NLGN1: variants seen among roughly 807,000 people sequenced by gnomAD.
The protein encoded by NLGN1 is neuroligin-1.
A neutral mutation model predicts 65.5 loss-of-function variants in NLGN1; 12 were observed. The observed-to-expected ratio is 0.18, with a 90% CI of 0.12 to 0.30. The LOEUF (loss-of-function observed/expected upper bound fraction) is 0.30. Ranked by LOEUF, NLGN1 falls within the 10% of genes least tolerant of loss-of-function variation. The pLI is 1.00. For synonymous variants in NLGN1, 350 were observed against 359.5 expected (o/e 0.97, Z 0.30); for missense variants, 750 against 1,007.1 (o/e 0.74, Z 3.46).
At chr3:173,792,119 A>G (rs1179141303) in intron 3 of NLGN1, among the ~76,000 whole-genome samples, 1 of 152,146 alleles carries the variant, frequency 6.6e-6, no homozygotes, top group Non-Finnish European at 1.5e-5. Flanking sequence ...GTATGAAAAC[A>G]ATGAAATTGT....
intron 3 of NLGN1, among the ~76,000 whole-genome samples, chr3:173,800,978 AT>A (rs1322884477): frequency 6.6e-6 from 1 of 151,996 alleles, no homozygotes; most frequent in African/African-American, 2.4e-5. Context: ...TTGTACAACC[AT>A]TTAAGTATTC....
At chr3:174,242,153 A>ACG (rs1742999733) in intron 4 of NLGN1, among the ~76,000 whole-genome samples, 1 of 152,170 alleles carries the variant, frequency 6.6e-6, no homozygotes, top group Non-Finnish European at 1.5e-5. Flanking sequence ...TGTTGATAAT[A>ACG]ATACTGGCCT....
chr3:173,960,772 T>G (rs1361879255), intron 4 of NLGN1, among the ~76,000 whole-genome samples: 1 of 151,924 alleles, frequency 6.6e-6, no homozygotes, highest in Non-Finnish European at 1.5e-5. Context: ...CTTATTTTTT[T>G]TTTCAGTCCT....
chr3:173,552,493 G>A (rs1423531623), intron 2 of NLGN1, among the ~76,000 whole-genome samples: 1 of 152,076 alleles, frequency 6.6e-6, no homozygotes, highest in African/African-American at 2.4e-5. Context: ...CCCTAGGTTA[G>A]CTGAAAAAGG....
At chr3:173,461,506 A>G (rs994143071) in intron 2 of NLGN1, among the ~76,000 whole-genome samples, 3 of 152,170 alleles carry the variant, frequency 2.0e-5, no homozygotes, top group Admixed American at 6.5e-5. Flanking sequence ...AACTTACTCA[A>G]CCTCACTCTA....
chr3:174,174,113 A>G (rs1009068355), intron 4 of NLGN1, among the ~76,000 whole-genome samples: 4 of 151,720 alleles, frequency 2.6e-5, no homozygotes, highest in Non-Finnish European at 5.9e-5. Context: ...CACTTAGAAT[A>G]ATAGTCTCCA....
At chr3:173,987,906 C>T (rs975044065) in intron 4 of NLGN1, among the ~76,000 whole-genome samples, 1 of 152,100 alleles carries the variant, frequency 6.6e-6, no homozygotes, top group Non-Finnish European at 1.5e-5. Flanking sequence ...GTCAAATATT[C>T]CAAATGCCTT....
At chr3:174,278,139 G>C (rs1372778089) in intron 5 of NLGN1, among the ~76,000 whole-genome samples, 1 of 151,842 alleles carries the variant, frequency 6.6e-6, no homozygotes, top group Non-Finnish European at 1.5e-5. Flanking sequence ...ATTCAACAGC[G>C]GCAAAAGTTA....
intron 4 of NLGN1, among the ~76,000 whole-genome samples, chr3:173,855,131 C>A (rs575043527): frequency 1.2e-4 from 19 of 152,088 alleles, no homozygotes; most frequent in Non-Finnish European, 2.1e-4. Context: ...TAGGTAAATT[C>A]TTCTAAGAAC....
At chr3:174,288,068 C>G (rs1752330223), downstream of NLGN1, among the ~76,000 whole-genome samples, 2 of 151,558 alleles carry the variant, frequency 1.3e-5, no homozygotes, top group South Asian at 4.1e-4. Flanking sequence ...GGTCCAAACA[C>G]ATGGACTGAT....
Position 173,977,092 on chromosome 3 carries a change from T to TACACACACACACACGC in NLGN1, c.646+169291_646+169306dup, listed in dbSNP as rs1553905383. Among the ~76,000 whole-genome samples the TACACACACACACACGC allele has an allele frequency of 2.5e-3, 370 of 150,198 alleles. 2 individuals are homozygous for TACACACACACACACGC. The highest frequency in any genetic ancestry group is 4.6e-3 in the South Asian group (22 of 4,756). On this transcript the variant is annotated intron_variant, in intron 4 of 6. Coordinates refer to ENST00000457714, the Ensembl canonical transcript of NLGN1. Reference sequence around the variant, plus strand: ...AGACTACTGAAGTGGAGGAAAAAGATACACACACACACACGCACACACACA... The same window carrying TACACACACACACACGC: ...AGACTACTGAAGTGGAGGAAAAAGATACACACACACACACGCACACACACACACACGCACACACACA...
intron 4 of NLGN1, among the ~76,000 whole-genome samples, chr3:174,077,123 C>G (rs932454678): frequency 1.3e-5 from 2 of 151,796 alleles, no homozygotes; most frequent in Non-Finnish European, 2.9e-5. Flanking sequence ...TATTTTCCTA[C>G]TAAATCAATA....
At chr3:173,815,103 G>C (rs1344852906) in intron 4 of NLGN1, among the ~76,000 whole-genome samples, 19 of 125,528 alleles carry the variant, frequency 1.5e-4, no homozygotes, top group African/African-American at 5.1e-4. Flanking sequence ...CTTCCTTCCT[G>C]CCTTCCTTCA....
intron 4 of NLGN1, among the ~76,000 whole-genome samples, chr3:174,132,278 G>A (rs1720359674): frequency 6.6e-6 from 1 of 152,076 alleles, no homozygotes; most frequent in Non-Finnish European, 1.5e-5. Flanking sequence ...GACAGTTGAG[G>A]GTAATGTCAT....
intron 5 of NLGN1, among the ~76,000 whole-genome samples, chr3:174,277,774 T>A (rs550870745): frequency 5.9e-4 from 89 of 151,970 alleles, no homozygotes; most frequent in African/African-American, 2.0e-3. Flanking sequence ...TTAAGAAAAA[T>A]CTAAAACTTT....
intron 2 of NLGN1, among the ~76,000 whole-genome samples, chr3:173,479,942 A>G (rs1353004701): frequency 6.6e-6 from 1 of 152,166 alleles, no homozygotes; most frequent in Non-Finnish European, 1.5e-5. Flanking sequence ...GAGTCAAGTT[A>G]GGGACTTGCA....
rs190040708 is a variant in NLGN1, at chr3:174,027,327, C to T, written c.646+219495C>T. On this transcript the variant is annotated intron_variant, in intron 4 of 6. Transcript: ENST00000457714. The stretch of plus-strand genomic sequence containing the variant: ...CTCTTATACCCTGTTCTCCAACATT[C>T]GAATTTGTTTAGTTTGTCTTCTTCC... Among the ~76,000 whole-genome samples, 201 of 152,206 alleles carry T rather than the reference C, an allele frequency of 1.3e-3. 1 individual carries two copies. Among genetic ancestry groups the T allele is most frequent in the Non-Finnish European group, 1.6e-3 (112 of 67,988 alleles).
intron 4 of NLGN1, among the ~76,000 whole-genome samples, chr3:174,100,908 A>T (rs1014104845): frequency 6.6e-6 from 1 of 151,742 alleles, no homozygotes; most frequent in African/African-American, 2.4e-5. Flanking sequence ...GGGGTGTGTC[A>T]TCCTGGTTTG....
At chr3:173,913,210 G>C (rs956993746) in intron 4 of NLGN1, among the ~76,000 whole-genome samples, 1 of 152,126 alleles carries the variant, frequency 6.6e-6, no homozygotes, top group Non-Finnish European at 1.5e-5. Context: ...TGTGTGGAAG[G>C]ATTCTAAATT....
Sources: allele counts gnomAD v4.1 joint callset (sites outside exome capture counted in the v4.1 genomes callset), GRCh38; gene constraint gnomAD v4.1.1; transcripts MANE v1.5; gene names NCBI Gene and HGNC (gene_info 2026-07-23, HGNC 2026-07-21).